CD28: variants seen among roughly 807,000 people sequenced by gnomAD.
The protein encoded by CD28 is CD28 molecule, also known as T-cell-specific surface glycoprotein CD28.
In CD28, 8 loss-of-function variants were observed where a neutral mutation model predicts 21.4. The observed-to-expected ratio is 0.37, with a 90% CI of 0.22 to 0.68. CD28 has a LOEUF of 0.68. Ranked by LOEUF, CD28 falls within the 30% of genes least tolerant of loss-of-function variation. The probability of loss-of-function intolerance (pLI) is 0.55; values close to 1 mark genes in which losing one functional copy is unlikely to be tolerated. For missense variants in CD28, 239 were observed against 272.2 expected (o/e 0.88, Z 0.86); for synonymous variants, 106 against 104.0 (o/e 1.02, Z -0.12).
In CD28 at chr2:203,738,502, A is replaced by C. The variant is rs974623202; in HGVS notation, c.*3590A>C. 3.3e-5 allele frequency: 5 copies of C among 152,168 alleles called. No individual in the cohort carries two copies. The highest frequency in any genetic ancestry group is 7.4e-5 in the Non-Finnish European group (5 of 68,022). 9.4% of individuals were successfully genotyped at this position (152,168 alleles called of 1,614,324 possible). The stretch of plus-strand genomic sequence containing the variant: ...GGGAGTCTGTGTTATCTGCAAGGCC[A>C]TTTGAGGCTCAGAAAGTCTCTCTTT... On this transcript the variant is annotated 3_prime_UTR_variant, in exon 4 of 4. Transcript: ENST00000324106.
rs1365034489 is a variant in CD28 at position 203,737,182 on chromosome 2, T to G, written c.*2270T>G. 1 of 152,216 alleles carries G rather than the reference T, an allele frequency of 6.6e-6. No homozygotes were observed. The highest frequency in any genetic ancestry group is 2.4e-5 in the African/African-American group (1 of 41,458). The allele number at this position is 152,216 out of a possible 1,614,324, so 9.4% of individuals were successfully genotyped here. A position where few individuals can be genotyped will look rare whatever the true frequency, so the allele number is the denominator to read the frequency against. The stretch of plus-strand genomic sequence containing the variant: ...GAAGGGAGGAGTAGGAATCTTGAGA[T>G]TCCAGATCGAAAATACTGTACTTTG... On this transcript the variant is annotated 3_prime_UTR_variant, in exon 4 of 4. Transcript: ENST00000324106.
At chr2:203,731,293 A>G (rs1423374500) in intron 3 of CD28, among the ~76,000 whole-genome samples, 3 of 152,148 alleles carry the variant, frequency 2.0e-5, no homozygotes, top group East Asian at 3.8e-4. Context: ...TCTTCATCCA[A>G]CTTACCTTCT....
Position 203,724,199 on chromosome 2 carries a change from T to C in CD28, c.53-2434T>C, listed in dbSNP as rs115322306. ...AATAGGCAAATTCATAGGGCCAAAG[T>C]AGATCAGTGGTTTCCAGGGATTTAA... On this transcript the variant is annotated intron_variant, in intron 1 of 3. Transcript: ENST00000324106. Among the ~76,000 whole-genome samples, 1,387 of 152,230 alleles carry C rather than the reference T, an allele frequency of 9.1e-3. 23 individuals carry two copies. The highest frequency in any genetic ancestry group is 0.032 in the African/African-American group (1,343 of 41,532).
chr2:203,732,348 G>C (rs1242681118), intron 3 of CD28, among the ~76,000 whole-genome samples: 3 of 152,176 alleles, frequency 2.0e-5, no homozygotes, highest in Admixed American at 2.0e-4. Context: ...GCTGTCACAG[G>C]CCAGCACCTG....
chr2:203,731,560 T>C (rs1693889735), intron 3 of CD28, among the ~76,000 whole-genome samples: 1 of 152,204 alleles, frequency 6.6e-6, no homozygotes, highest in African/African-American at 2.4e-5. Context: ...GTTTTGGGAA[T>C]TACTTTAACC....
chr2:203,725,302 A>T (rs1693714345), intron 1 of CD28, among the ~76,000 whole-genome samples: 1 of 151,942 alleles, frequency 6.6e-6, no homozygotes, highest in Non-Finnish European at 1.5e-5. Context: ...AGAAAAAAAA[A>T]AAAAAAGAAA....
chr2:203,733,638 G>A (rs1020679507), intron 3 of CD28, among the ~76,000 whole-genome samples: 13 of 152,134 alleles, frequency 8.5e-5, no homozygotes, highest in African/African-American at 2.9e-4. Flanking sequence ...AGAAGGATGA[G>A]CTTGCAAAGG....
At chr2:203,731,886 C>G (rs543265377) in intron 3 of CD28, among the ~76,000 whole-genome samples, 112 of 152,280 alleles carry the variant, frequency 7.4e-4, no homozygotes, top group South Asian at 5.4e-3. Context: ...TTTGTGGCCT[C>G]TTGTAGTCAA....
chr2:203,735,612 A>G lies in CD28; in HGVS notation c.*700A>G, dbSNP rs1055476540. 3.3e-5 allele frequency: 5 copies of G among 152,660 alleles called. No homozygotes were observed. The highest frequency in any genetic ancestry group is 1.2e-4 in the African/African-American group (5 of 41,444). 9.5% of individuals were successfully genotyped at this position (152,660 alleles called of 1,614,324 possible). ...CAAGTTGCTTTCCTCACTCCCTGTC[A>G]TGAGACTTCAGTGTTAATGTTCACA... On this transcript the variant is annotated 3_prime_UTR_variant, in exon 4 of 4. Transcript: ENST00000324106.
intron 1 of CD28, among the ~76,000 whole-genome samples, chr2:203,725,492 A>AG (rs1693719847): frequency 6.6e-6 from 1 of 152,052 alleles, no homozygotes. Flanking sequence ...TAGAAAAGAA[A>AG]AAAAAAAAGA....
chr2:203,707,403 G>A (rs114699978), intron 1 of CD28, among the ~76,000 whole-genome samples: 2 of 152,170 alleles, frequency 1.3e-5, no homozygotes, highest in African/African-American at 4.8e-5. Context: ...TAATCCATGC[G>A]AAGGGCTTAG....
At chr2:203,734,010 CT>C (rs1693962243) in intron 3 of CD28, among the ~76,000 whole-genome samples, 1 of 152,170 alleles carries the variant, frequency 6.6e-6, no homozygotes, top group South Asian at 2.1e-4. Flanking sequence ...GAACTAGGCA[CT>C]TTTTTCATAA....
chr2:203,711,664 G>A (rs1291265942), intron 1 of CD28, among the ~76,000 whole-genome samples: 2 of 152,032 alleles, frequency 1.3e-5, no homozygotes, highest in African/African-American at 2.4e-5. Flanking sequence ...ATCTAATTGT[G>A]AGCCCCTTTC....
At chr2:203,725,285 C>T (rs4675362) in intron 1 of CD28, among the ~76,000 whole-genome samples, 95,854 of 147,878 alleles carry the variant, frequency 0.65, 31,374 homozygotes, top group South Asian at 0.82. Context: ...AGCGAAACTC[C>T]GTCTCCAGAA....
At chr2:203,708,392 CAAACTT>C (rs1693217859) in intron 1 of CD28, among the ~76,000 whole-genome samples, 1 of 152,148 alleles carries the variant, frequency 6.6e-6, no homozygotes, top group South Asian at 2.1e-4. Context: ...AGAGATCTCT[CAAACTT>C]AAAGAATATT....
chr2:203,716,052 A>G (rs535217015), intron 1 of CD28, among the ~76,000 whole-genome samples: 1 of 152,272 alleles, frequency 6.6e-6, no homozygotes, highest in African/African-American at 2.4e-5. Context: ...GTACCACAAC[A>G]TTCTCAACTC....
intron 1 of CD28, among the ~76,000 whole-genome samples, chr2:203,712,218 A>T (rs1693334915): frequency 6.6e-6 from 1 of 152,128 alleles, no homozygotes; most frequent in African/African-American, 2.4e-5. Context: ...AGAAATATAA[A>T]ATCAGTACAC....
intron 1 of CD28, among the ~76,000 whole-genome samples, chr2:203,722,033 C>T (rs2106116385): frequency 6.6e-6 from 1 of 152,312 alleles, no homozygotes; most frequent in East Asian, 1.9e-4. Context: ...CACCCACACT[C>T]CCTTTTTTTG....
chr2:203,708,916 T>TG, intron 1 of CD28, among the ~76,000 whole-genome samples: 1 of 152,244 alleles, frequency 6.6e-6, no homozygotes, highest in East Asian at 1.9e-4. Context: ...GGTCAGGAGT[T>TG]GGAGACCCGT....
Sources: allele counts gnomAD v4.1 joint callset (sites outside exome capture counted in the v4.1 genomes callset), GRCh38; gene constraint gnomAD v4.1.1; transcripts MANE v1.5; gene names NCBI Gene and HGNC (gene_info 2026-07-23, HGNC 2026-07-21).